Variants in MTHFD1L observed in about 807,000 individuals in gnomAD.
MTHFD1L encodes monofunctional C1-tetrahydrofolate synthase, mitochondrial.
MTHFD1L carries 81 observed loss-of-function variants against 119.5 expected under a neutral mutation model. The observed-to-expected ratio is 0.68, with a 90% confidence interval of 0.57 to 0.82. MTHFD1L has a LOEUF of 0.82. MTHFD1L is among the 40% of genes least tolerant of loss of function. The probability of loss-of-function intolerance (pLI) is 0.00; values close to 1 mark genes in which losing one functional copy is unlikely to be tolerated. For missense variants in MTHFD1L, 1,125 were observed against 1,253.4 expected, an observed-to-expected ratio of 0.90 and a Z score of 1.55; for synonymous variants, 430 against 475.2, an observed-to-expected ratio of 0.90 and a Z score of 1.24.
intron 26 of MTHFD1L, chr6:151,042,057 A>T (rs1000815047): frequency 8.6e-6 from 3 of 348,526 alleles, no homozygotes; most frequent in African/African-American, 6.5e-5. Flanking sequence ...AATAAATACT[A>T]TTAACTGGTG....
chr6:150,886,133 C>T (rs1455796157), intron 6 of MTHFD1L, among the ~76,000 whole-genome samples: 1 of 152,086 alleles, frequency 6.6e-6, no homozygotes, highest in African/African-American at 2.4e-5. Flanking sequence ...ATAAGACTTA[C>T]GTTGAAGACT....
intron 20 of MTHFD1L, among the ~76,000 whole-genome samples, chr6:150,972,804 G>A (rs1456716521): frequency 1.3e-5 from 2 of 152,156 alleles, no homozygotes; most frequent in Non-Finnish European, 2.9e-5. Context: ...AGCTAATATA[G>A]GAGAGATTCC....
intron 5 of MTHFD1L, among the ~76,000 whole-genome samples, chr6:150,883,652 T>C (rs145945293): frequency 6.6e-6 from 1 of 152,296 alleles, no homozygotes; most frequent in Non-Finnish European, 1.5e-5. Flanking sequence ...GAGGGGAACA[T>C]CATAACTATT....
chr6:151,088,793 G>A (rs1794096021), intron 26 of MTHFD1L, among the ~76,000 whole-genome samples: 1 of 152,094 alleles, frequency 6.6e-6, no homozygotes, highest in African/African-American at 2.4e-5. Context: ...GAAAGAATCA[G>A]AATGACTAGA....
chr6:150,913,445 G>A (rs781413529), intron 8 of MTHFD1L, among the ~76,000 whole-genome samples: 1 of 151,980 alleles, frequency 6.6e-6, no homozygotes, highest in African/African-American at 2.4e-5. Flanking sequence ...GATTACAGGC[G>A]TGAGCCACCG....
chr6:150,907,461 A>G (rs1243610310), intron 8 of MTHFD1L, among the ~76,000 whole-genome samples: 1 of 152,214 alleles, frequency 6.6e-6, no homozygotes, highest in Non-Finnish European at 1.5e-5. Flanking sequence ...TGAAAATATC[A>G]TTAGTAAAAA....
intron 11 of MTHFD1L, among the ~76,000 whole-genome samples, chr6:150,929,920 T>C (rs1320006235): frequency 6.6e-6 from 1 of 152,210 alleles, no homozygotes; most frequent in Non-Finnish European, 1.5e-5. Context: ...GATATATGTA[T>C]GCATTTGTGG....
At chr6:151,015,010 G>A in intron 23 of MTHFD1L, 30 bp downstream of exon 23, 2 of 1,571,998 alleles carry the variant, frequency 1.3e-6, no homozygotes, top group Non-Finnish European at 1.7e-6. Flanking sequence ...TTAAATGTGG[G>A]CATTATCACT....
At chr6:151,085,015 A>G (rs1196405268) in intron 26 of MTHFD1L, among the ~76,000 whole-genome samples, 1 of 132,550 alleles carries the variant, frequency 7.5e-6, no homozygotes, top group Non-Finnish European at 1.7e-5. Flanking sequence ...GTATATATTT[A>G]TATATGTATA....
intron 16 of MTHFD1L, among the ~76,000 whole-genome samples, chr6:150,952,103 T>C (rs972676583): frequency 1.3e-5 from 2 of 152,168 alleles, no homozygotes; most frequent in African/African-American, 2.4e-5. Context: ...ACTGAAGTGT[T>C]TTGTGGTTGT....
intron 19 of MTHFD1L, among the ~76,000 whole-genome samples, chr6:150,969,524 A>AG (rs1372506098): frequency 6.6e-6 from 1 of 151,902 alleles, no homozygotes; most frequent in Non-Finnish European, 1.5e-5. Flanking sequence ...AAAAAAAAAA[A>AG]AAAGAGTCCT....
intron 11 of MTHFD1L, among the ~76,000 whole-genome samples, chr6:150,930,627 T>G (rs1272821713): frequency 6.6e-6 from 1 of 152,066 alleles, no homozygotes; most frequent in Non-Finnish European, 1.5e-5. Context: ...CCTTTTTCTC[T>G]GAACACTGTA....
chr6:150,922,706 C>T (rs200682982), intron 10 of MTHFD1L, among the ~76,000 whole-genome samples: 26 of 144,284 alleles, frequency 1.8e-4, no homozygotes, highest in Middle Eastern at 3.5e-3. Context: ...TGCAATGGTG[C>T]GATCTCGGCT....
At chr6:150,962,914 CTT>C (rs4035893) in intron 18 of MTHFD1L, among the ~76,000 whole-genome samples, 46,327 of 113,146 alleles carry the variant, frequency 0.41, 8,281 homozygotes, top group South Asian at 0.49. Flanking sequence ...CTTTTCTTTT[CTT>C]TTTTTTTTTT....
At chr6:150,938,659 T>C in intron 12 of MTHFD1L, 40 bp from the exon 13 acceptor site, 2 of 1,595,292 alleles carry the variant, frequency 1.3e-6, no homozygotes, top group Non-Finnish European at 1.7e-6. Flanking sequence ...GCAGCTGTAC[T>C]TGGTGACCCG....
At chr6:150,942,415 A>G (rs1435710408) in intron 13 of MTHFD1L, among the ~76,000 whole-genome samples, 1 of 152,252 alleles carries the variant, frequency 6.6e-6, no homozygotes, top group African/African-American at 2.4e-5. Context: ...ATGTTGATAA[A>G]AACACTTCAG....
At chr6:150,900,752 AC>A (rs781616739) in intron 7 of MTHFD1L, among the ~76,000 whole-genome samples, 1 of 152,168 alleles carries the variant, frequency 6.6e-6, no homozygotes, top group Non-Finnish European at 1.5e-5. Context: ...GCGGTGGCTC[AC>A]GCCTGTAATC....
chr6:151,001,556 T>C (rs986032305), intron 20 of MTHFD1L, among the ~76,000 whole-genome samples: 16 of 152,094 alleles, frequency 1.1e-4, no homozygotes, highest in Non-Finnish European at 1.6e-4. Context: ...GGCTAGAGCA[T>C]TGGGGTCACT....
intron 26 of MTHFD1L, among the ~76,000 whole-genome samples, chr6:151,092,170 T>C (rs768922645): frequency 2.0e-5 from 3 of 152,114 alleles, no homozygotes; most frequent in Non-Finnish European, 4.4e-5. Context: ...GCATGAAGAT[T>C]TTATTGAGAA....
Sources: allele counts gnomAD v4.1 joint callset (sites outside exome capture counted in the v4.1 genomes callset), GRCh38; gene constraint gnomAD v4.1.1; transcripts MANE v1.5; gene names NCBI Gene and HGNC (gene_info 2026-07-23, HGNC 2026-07-21).